Variants in CSNK1D observed in about 807,000 individuals in gnomAD.
The protein encoded by CSNK1D is casein kinase 1 delta.
In CSNK1D, 16 loss-of-function variants were observed where a neutral mutation model predicts 46.6. That is an observed-to-expected ratio of 0.34 (90% CI 0.23 to 0.52). CSNK1D has a LOEUF of 0.52. Ranked by LOEUF, CSNK1D falls within the 20% of genes least tolerant of loss-of-function variation. The pLI, the probability that CSNK1D is intolerant of heterozygous loss-of-function variation, is 0.95. For synonymous variants in CSNK1D, 276 were observed against 228.2 expected (o/e 1.21, Z -1.89); for missense variants, 398 against 578.4 (o/e 0.69, Z 3.20).
At chr17:82,245,858 ACT>A (rs2050837345) in intron 8 of CSNK1D, 1 of 1,040,430 alleles carries the variant, frequency 9.6e-7, no homozygotes. Context: ...AAGAAGCCTC[ACT>A]CTACCTCCAG....
At chr17:82,260,056 CTGACTGATG>C (rs1027237452) in intron 2 of CSNK1D, among the ~76,000 whole-genome samples, 8 of 143,010 alleles carry the variant, frequency 5.6e-5, no homozygotes, top group Non-Finnish European at 1.2e-4. Flanking sequence ...TGATGGTGTA[CTGACTGATG>C]TGACTGATGG....
At position 82,249,039 on chromosome 17, in the gene CSNK1D, T is replaced by G; in HGVS notation, c.1058-25A>C. The G allele has an allele frequency of 1.3e-6, 2 of 1,548,582 alleles. No homozygotes were observed. Among genetic ancestry groups the G allele is most frequent in the African/African-American group, 2.7e-5 (2 of 72,832 alleles). ...GCTGAGGACAGGGAGAGAAACGGAG[T>G]GGGCCGCCCCCGTCTGCTGCCTCTC... On this transcript the variant is annotated intron_variant, in intron 7 of 8. Transcript: ENST00000314028. The surrounding 1 kb of genome is among the most constrained non-coding windows in gnomAD (Gnocchi z 6.7).
intron 2 of CSNK1D, chr17:82,265,410 C>G (rs1264281721): frequency 4.6e-6 from 2 of 431,988 alleles, no homozygotes; most frequent in South Asian, 4.1e-5. Flanking sequence ...AACTACTGAC[C>G]TCAAATGATC....
Position 82,244,849 on chromosome 17 carries a change from C to T in CSNK1D, c.1198-18G>A. The T allele has an allele frequency of 1.9e-6, 3 of 1,613,598 alleles. No individual in the cohort carries two copies. Among genetic ancestry groups the T allele is most frequent in the Non-Finnish European group, 2.5e-6 (3 of 1,180,042 alleles). Reference sequence around the variant, plus strand: ...CCAGGAATCTGTCGGAGCCAAAGCACAGGAGAAGGTCAGCATGGGGCTGGG... The same window carrying T: ...CCAGGAATCTGTCGGAGCCAAAGCATAGGAGAAGGTCAGCATGGGGCTGGG... On this transcript the variant is annotated intron_variant, in intron 8 of 8. Transcript: ENST00000314028.
Position 82,273,275 on chromosome 17 carries a change from C to T in CSNK1D, c.76+31G>A. The T allele has an allele frequency of 6.4e-7, 1 of 1,573,616 alleles. No individual in the cohort carries two copies. ...TTGGCAGCCGCAGGGCCCGGGTCTTCGGGCGGCGGGCGGGGGCGGCGGGGC... is the reference window on the plus strand; with the variant it reads ...TTGGCAGCCGCAGGGCCCGGGTCTTTGGGCGGCGGGCGGGGGCGGCGGGGC... On this transcript the variant is annotated intron_variant, in intron 1 of 8. Coordinates refer to ENST00000314028, the MANE Select transcript of CSNK1D (RefSeq NM_001893.6). This position sits in a 1 kb window ranked among gnomAD's most constrained non-coding sequence, Gnocchi z 5.1.
chr17:82,249,423 G>A lies in CSNK1D; in HGVS notation c.1057+8C>T. ...CCAGCCCCAGAGCGCTGGGAGGGGG[G>A]CACTCACCCGTGTGTGAGGTAGGGG... is the stretch of plus-strand genomic sequence containing the variant. On this transcript the variant is annotated splice_region_variant and intron_variant, in intron 7 of 8. Coordinates refer to ENST00000314028, the MANE Select transcript of CSNK1D (RefSeq NM_001893.6). The surrounding 1 kb of genome is among the most constrained non-coding windows in gnomAD (Gnocchi z 6.7). 1 of 1,531,820 alleles carries A rather than the reference G, an allele frequency of 6.5e-7. No homozygotes were observed. Among genetic ancestry groups the A allele is most frequent in the Non-Finnish European group, 8.8e-7 (1 of 1,142,570 alleles). 94.9% of individuals were successfully genotyped at this position (1,531,820 alleles called of 1,614,324 possible).
intron 3 of CSNK1D, chr17:82,254,264 C>A: frequency 3.8e-6 from 1 of 262,434 alleles, no homozygotes; most frequent in Non-Finnish European, 6.9e-6. Flanking sequence ...GCCGCCGGAG[C>A]CTCGAGAAGC....
At chr17:82,268,691 TCAA>T (rs1192181056) in intron 1 of CSNK1D, among the ~76,000 whole-genome samples, 1 of 152,176 alleles carries the variant, frequency 6.6e-6, no homozygotes, top group African/African-American at 2.4e-5. Context: ...TCCCTGCAGC[TCAA>T]CAATCCTGGT....
At position 82,252,644 on chromosome 17, in the gene CSNK1D, G is replaced by A. The variant is rs376623625; in HGVS notation, c.566-40C>T. Reference sequence around the variant, plus strand: ...GAAAGGCGTGAAGAACGGCACTTGCGTGCTCACGTCAAAGCAAAAGACCCG... The same window carrying A: ...GAAAGGCGTGAAGAACGGCACTTGCATGCTCACGTCAAAGCAAAAGACCCG... On this transcript the variant is annotated intron_variant, in intron 4 of 8. Coordinates refer to ENST00000314028, the MANE Select transcript of CSNK1D (RefSeq NM_001893.6). This position sits in a 1 kb window ranked among gnomAD's most constrained non-coding sequence, Gnocchi z 4.6. 2.0e-5 allele frequency: 32 copies of A among 1,599,170 alleles called. No homozygotes were observed. The highest frequency in any genetic ancestry group is 9.0e-5 in the East Asian group (4 of 44,554).
chr17:82,263,938 T>A (rs2051402975), intron 2 of CSNK1D, among the ~76,000 whole-genome samples: 1 of 152,238 alleles, frequency 6.6e-6, no homozygotes, highest in Non-Finnish European at 1.5e-5. Context: ...ATGGGATTTT[T>A]CATTCCTGTG....
chr17:82,244,749 T>C lies in CSNK1D; in HGVS notation c.*32A>G, dbSNP rs547614079. On this transcript the variant is annotated 3_prime_UTR_variant, in exon 9 of 9. Coordinates refer to ENST00000314028, the MANE Select transcript of CSNK1D (RefSeq NM_001893.6). ...GGTAACAGAGTAGATCAGCCATGCA[T>C]TGTCTGCCCTTCACAGCAATAAGGA... 1.9e-5 allele frequency: 30 copies of C among 1,613,846 alleles called. No homozygotes were observed. In the East Asian group the frequency reaches 4.0e-4, roughly 22 times the overall value.
rs1250651568 is a variant in CSNK1D, at chr17:82,248,831, G to C, written c.1197+44C>G. 1.3e-6 allele frequency: 2 copies of C among 1,592,680 alleles called. No individual in the cohort carries two copies. The highest frequency in any genetic ancestry group is 1.7e-6 in the Non-Finnish European group (2 of 1,169,264). ...CCACAGCCCGCTCTTGACTCGGACG[G>C]GGTAGCCCGAGGCCCAGCGCCCGCC... On this transcript the variant is annotated intron_variant, in intron 8 of 8. Transcript: ENST00000314028. This position sits in a 1 kb window ranked among gnomAD's most constrained non-coding sequence, Gnocchi z 4.1.
At chr17:82,269,575 C>G (rs2051566358) in intron 1 of CSNK1D, among the ~76,000 whole-genome samples, 2 of 152,214 alleles carry the variant, frequency 1.3e-5, no homozygotes, top group Admixed American at 1.3e-4. Flanking sequence ...TGAAGTCAGT[C>G]CATCCAGGTA....
chr17:82,263,825 A>C (rs1241492492), intron 2 of CSNK1D, among the ~76,000 whole-genome samples: 2 of 152,126 alleles, frequency 1.3e-5, no homozygotes, highest in Non-Finnish European at 2.9e-5. Flanking sequence ...TCACACCTTC[A>C]AGGCAATGCA....
intron 2 of CSNK1D, among the ~76,000 whole-genome samples, chr17:82,258,897 G>A (rs988615198): frequency 5.9e-5 from 9 of 152,172 alleles, no homozygotes; most frequent in African/African-American, 9.7e-5. Context: ...GTATCATCAC[G>A]ACAGCTTTAT....
At position 82,268,091 on chromosome 17, in the gene CSNK1D, G is replaced by T. The variant is rs139252809; in HGVS notation, c.77-2295C>A. Among the ~76,000 whole-genome samples, 267 of 152,308 alleles carry T rather than the reference G, an allele frequency of 1.8e-3. 1 individual carries two copies. The highest frequency in any genetic ancestry group is 5.9e-3 in the African/African-American group (247 of 41,558). On this transcript the variant is annotated intron_variant, in intron 1 of 8. Coordinates refer to ENST00000314028, the MANE Select transcript of CSNK1D (RefSeq NM_001893.6). ...ACAGAGCCAGCCCTCCTGTGGAACC[G>T]ACACCAAGGTCGCCCCGAGTCTCTA...
downstream of CSNK1D, chr17:82,240,131 G>C (rs9901910): frequency 0.87 from 1,019,275 of 1,178,312 alleles, 441,684 homozygotes; most frequent in African/African-American, 0.97. Context: ...CTGGCCTTGC[G>C]CCAGCTGGGC....
rs780211982 is a variant in CSNK1D, at chr17:82,248,843, G to A, written c.1197+32C>T. 1 of 1,599,732 alleles carries A rather than the reference G, an allele frequency of 6.3e-7. No homozygotes were observed. The highest frequency in any genetic ancestry group is 8.5e-7 in the Non-Finnish European group (1 of 1,172,820). ...CTTGACTCGGACGGGGTAGCCCGAGGCCCAGCGCCCGCCCGGGAGCTCTGC... is the reference window on the plus strand; with the variant it reads ...CTTGACTCGGACGGGGTAGCCCGAGACCCAGCGCCCGCCCGGGAGCTCTGC... On this transcript the variant is annotated intron_variant, in intron 8 of 8. Transcript: ENST00000314028. This position sits in a 1 kb window ranked among gnomAD's most constrained non-coding sequence, Gnocchi z 4.1.
chr17:82,271,457 C>T (rs1263332431), intron 1 of CSNK1D, among the ~76,000 whole-genome samples: 2 of 152,196 alleles, frequency 1.3e-5, no homozygotes, highest in African/African-American at 2.4e-5. Context: ...AAACTTTCGC[C>T]AAAATCCATT....
Sources: gnomAD v4.1 joint callset for allele counts (sites outside exome capture counted in the v4.1 genomes callset) on GRCh38, gnomAD v4.1.1 for gene constraint, Gnocchi (gnomAD v3.1) non-coding constraint, MANE v1.5 for transcripts, NCBI Gene and HGNC (gene_info 2026-07-23, HGNC 2026-07-21) for gene names.